Variants in HMMR observed in about 807,000 individuals in gnomAD.
HMMR encodes the protein intracellular hyaluronic acid-binding protein.
HMMR carries 108 observed loss-of-function variants against 101.0 expected under a neutral mutation model. That is an observed-to-expected ratio of 1.07 (90% CI 0.92 to 1.25). The LOEUF (loss-of-function observed/expected upper bound fraction) is 1.25, where lower values mean the gene tolerates loss of function less well. Among genes scored for constraint, HMMR ranks in the 50% most tolerant of loss-of-function variants. The pLI is 0.00. For missense variants in HMMR, 813 were observed against 788.7 expected (o/e 1.03, Z -0.37); for synonymous variants, 296 against 276.4 (o/e 1.07, Z -0.70).
intron 1 of HMMR, 112 bp downstream of exon 1, chr5:163,460,850 T>G: frequency 1.2e-6 from 1 of 864,752 alleles, no homozygotes; most frequent in Non-Finnish European, 1.9e-6. Flanking sequence ...GGGCTGGGGC[T>G]CATTCAGTTG....
At chr5:163,463,165 G>A (rs996250421) in intron 1 of HMMR, among the ~76,000 whole-genome samples, 2 of 152,046 alleles carry the variant, frequency 1.3e-5, no homozygotes, top group East Asian at 1.9e-4. Context: ...TACAAATATA[G>A]TCTAGTACAA....
intron 14 of HMMR, 35 bp downstream of exon 14, chr5:163,483,207 C>A: frequency 6.3e-7 from 1 of 1,599,378 alleles, no homozygotes; most frequent in Non-Finnish European, 8.5e-7. Context: ...GCCTTGTTAA[C>A]TCAGTTACGA....
rs72808221 is a variant in HMMR, at chr5:163,474,268, G to A, written c.1053+63G>A. 5.6e-3 allele frequency: 6,967 copies of A among 1,253,346 alleles called. 29 individuals carry two copies. The highest frequency in any genetic ancestry group is 7.1e-3 in the Non-Finnish European group (6,252 of 879,648). The allele number at this position is 1,253,346 out of a possible 1,614,324, so 77.6% of individuals were successfully genotyped here. A position where few individuals can be genotyped will look rare whatever the true frequency, so the allele number is the denominator to read the frequency against. On this transcript the variant is annotated intron_variant, in intron 10 of 17. Transcript: ENST00000393915. Reference sequence around the variant, plus strand: ...GTGTCATACATTTCCCTATGTCTCTGAACACCTTTAAATTGTGTATATCCT... The same window carrying A: ...GTGTCATACATTTCCCTATGTCTCTAAACACCTTTAAATTGTGTATATCCT...
intron 1 of HMMR, among the ~76,000 whole-genome samples, chr5:163,461,966 A>G (rs928837417): frequency 1.3e-5 from 2 of 152,222 alleles, no homozygotes; most frequent in African/African-American, 4.8e-5. Context: ...TTTATTCACT[A>G]TCATACACTA....
intron 3 of HMMR, among the ~76,000 whole-genome samples, chr5:163,466,317 T>A (rs1561636427): frequency 6.6e-6 from 1 of 152,148 alleles, no homozygotes; most frequent in Non-Finnish European, 1.5e-5. Context: ...GGTTTTTTGA[T>A]GTGAAAAATA....
At chr5:163,469,289 A>T (rs1758794906) in intron 4 of HMMR, among the ~76,000 whole-genome samples, 1 of 151,262 alleles carries the variant, frequency 6.6e-6, no homozygotes, top group Non-Finnish European at 1.5e-5. Context: ...GCTTGAACCC[A>T]GGAGGCGGAG....
intron 7 of HMMR, 94 bp downstream of exon 7, chr5:163,471,557 CTG>C: frequency 1.3e-6 from 1 of 791,348 alleles, no homozygotes; most frequent in Non-Finnish European, 2.1e-6. Flanking sequence ...CTTCAACCTT[CTG>C]TTAGTACTTA....
intron 3 of HMMR, among the ~76,000 whole-genome samples, chr5:163,465,396 C>T (rs1026276142): frequency 6.6e-6 from 1 of 152,018 alleles, no homozygotes; most frequent in Non-Finnish European, 1.5e-5. Flanking sequence ...TGCAGTGGCG[C>T]CATCTCAGCT....
At chr5:163,464,605 G>T (rs1279787078) in intron 2 of HMMR, 118 bp from the exon 3 acceptor site, 5 of 701,980 alleles carry the variant, frequency 7.1e-6, no homozygotes, top group Non-Finnish European at 9.9e-6. Flanking sequence ...CAGTGAGACT[G>T]TCTCAAAAAA....
chr5:163,460,755 G>A lies in HMMR; in HGVS notation c.46+17G>A, dbSNP rs749769394. The A allele has an allele frequency of 1.9e-6, 3 of 1,604,094 alleles. No homozygotes were observed. The highest frequency in any genetic ancestry group is 2.6e-6 in the Non-Finnish European group (3 of 1,174,928). The stretch of plus-strand genomic sequence containing the variant: ...ACCCTTCTGGTGCGTAAGGGGGAAA[G>A]AGCTGGGGGACGGGAGACGCCCTAA... On this transcript the variant is annotated intron_variant, in intron 1 of 17. Transcript: ENST00000393915.
At chr5:163,490,696 A>G (rs1397818148) in intron 17 of HMMR, 144 bp downstream of exon 17, 5 of 659,752 alleles carry the variant, frequency 7.6e-6, no homozygotes, top group African/African-American at 1.9e-5. Flanking sequence ...GTTGTGTACA[A>G]TGACTGTTTT....
chr5:163,483,061 CAG>C lies in HMMR; in HGVS notation c.1576_1577del (p.Glu526AsnfsTer2). On this transcript the variant is annotated frameshift_variant, in exon 14 of 18. Coordinates refer to ENST00000393915, the MANE Select transcript of HMMR (RefSeq NM_001142556.2). LOFTEE classifies it high-confidence loss of function. The stretch of plus-strand genomic sequence containing the variant: ...CAGACCAAGTCAGCACTAAAGGAAA[CAG>C]AAATTAAAGAAATCACAGTTTCTTT... 1 of 1,612,246 alleles carries C rather than the reference CAG, an allele frequency of 6.2e-7. No homozygotes were observed. The highest frequency in any genetic ancestry group is 8.5e-7 in the Non-Finnish European group (1 of 1,179,188).
chr5:163,486,275 T>C (rs942555334), intron 16 of HMMR, among the ~76,000 whole-genome samples: 6 of 152,224 alleles, frequency 3.9e-5, no homozygotes, highest in African/African-American at 1.4e-4. Flanking sequence ...ATATGGGATA[T>C]TTTTCCAATT....
chr5:163,483,185 T>G lies in HMMR; in HGVS notation c.1685+13T>G. On this transcript the variant is annotated intron_variant, in intron 14 of 17. Transcript: ENST00000393915. ...ATGAAGAAGGAAGGTAATCTATGAT[T>G]AGAACCTGAGTGCCTTGTTAACTCA... 1 of 1,608,264 alleles carries G rather than the reference T, an allele frequency of 6.2e-7. No individual in the cohort carries two copies.
chr5:163,470,282 CT>C (rs1188149172), intron 5 of HMMR, among the ~76,000 whole-genome samples: 19 of 152,254 alleles, frequency 1.2e-4, no homozygotes, highest in South Asian at 1.0e-3. Context: ...TTGCAATGGA[CT>C]TTCCAGCATA....
chr5:163,467,323 A>T (rs1561636815), intron 3 of HMMR, among the ~76,000 whole-genome samples: 1 of 152,222 alleles, frequency 6.6e-6, no homozygotes, highest in Non-Finnish European at 1.5e-5. Context: ...CTCTTCGGGT[A>T]TCAAAGTTTA....
intron 1 of HMMR, among the ~76,000 whole-genome samples, chr5:163,461,739 C>T (rs1053299671): frequency 2.0e-5 from 3 of 151,788 alleles, no homozygotes; most frequent in Admixed American, 2.0e-4. Context: ...GCCGAGATCG[C>T]GCCACTGCAC....
At chr5:163,472,321 C>T (rs213504) in intron 7 of HMMR, among the ~76,000 whole-genome samples, 15,630 of 152,054 alleles carry the variant, frequency 0.1, 859 homozygotes, top group Middle Eastern at 0.13. Context: ...TAGTGGTTCA[C>T]CTTATGAATA....
chr5:163,479,128 GTGCTTC>G (rs1197070432), intron 12 of HMMR, among the ~76,000 whole-genome samples: 1 of 152,152 alleles, frequency 6.6e-6, no homozygotes, highest in Admixed American at 6.5e-5. Flanking sequence ...GAAGCATTTG[GTGCTTC>G]TGCCCTACTC....
Sources: allele counts gnomAD v4.1 joint callset (sites outside exome capture counted in the v4.1 genomes callset), GRCh38; gene constraint gnomAD v4.1.1; transcripts MANE v1.5; gene names NCBI Gene and HGNC (gene_info 2026-07-23, HGNC 2026-07-21).